The following STK3 variants were observed in gnomAD, a reference collection of about 807,000 sequenced individuals.
STK3 encodes serine/threonine kinase 3, also known as serine/threonine-protein kinase 3.
In STK3, 41 loss-of-function variants were observed where a neutral mutation model predicts 58.0. That is an observed-to-expected ratio of 0.71 (90% CI 0.55 to 0.92). The LOEUF is 0.92. Among genes scored for constraint, STK3 ranks in the 40% least tolerant of loss-of-function variants. The probability of loss-of-function intolerance (pLI) is 0.00; values close to 1 mark genes in which losing one functional copy is unlikely to be tolerated. For missense variants in STK3, 479 were observed against 602.7 expected, an observed-to-expected ratio of 0.79 and a Z score of 2.15; for synonymous variants, 170 against 191.0, an observed-to-expected ratio of 0.89 and a Z score of 0.91.
intron 6 of STK3, among the ~76,000 whole-genome samples, chr8:98,612,459 C>A (rs1817278878): frequency 6.8e-6 from 1 of 147,738 alleles, no homozygotes. Flanking sequence ...ATATATCAAC[C>A]CATATATATA....
At chr8:98,616,904 G>C (rs982456705) in intron 6 of STK3, among the ~76,000 whole-genome samples, 44 of 151,944 alleles carry the variant, frequency 2.9e-4, no homozygotes, top group South Asian at 2.1e-4. Flanking sequence ...ACAGATCAAC[G>C]AGACAGAAAG....
At chr8:98,796,460 C>A (rs531974117) in intron 1 of STK3, among the ~76,000 whole-genome samples, 1 of 152,056 alleles carries the variant, frequency 6.6e-6, no homozygotes, top group African/African-American at 2.4e-5. Context: ...GAAACTGGAC[C>A]CCTAACTCAA....
intron 6 of STK3, among the ~76,000 whole-genome samples, chr8:98,654,610 T>A (rs567504276): frequency 1.5e-4 from 23 of 152,308 alleles, no homozygotes; most frequent in African/African-American, 4.8e-4. Context: ...AAAATCTCCT[T>A]AAGCTGATAA....
intron 1 of STK3, among the ~76,000 whole-genome samples, chr8:98,778,222 T>C (rs183936165): frequency 0.02 from 3,016 of 152,246 alleles, 56 homozygotes; most frequent in African/African-American, 0.042. Flanking sequence ...GGGCAAAGGA[T>C]ATGAACACAC....
intron 3 of STK3, among the ~76,000 whole-genome samples, chr8:98,410,803 T>C (rs1168197979): frequency 6.6e-6 from 1 of 152,202 alleles, no homozygotes; most frequent in Non-Finnish European, 1.5e-5. Flanking sequence ...CTTTCACAGA[T>C]GGTACAGGTG....
At chr8:98,655,728 T>C (rs1172022102) in intron 6 of STK3, among the ~76,000 whole-genome samples, 4 of 151,674 alleles carry the variant, frequency 2.6e-5, no homozygotes, top group Admixed American at 2.6e-4. Context: ...AAAAAACACA[T>C]GAAAAAATGC....
intron 10 of STK3, among the ~76,000 whole-genome samples, chr8:98,471,634 G>A (rs1170728154): frequency 1.3e-5 from 2 of 152,076 alleles, no homozygotes; most frequent in Admixed American, 6.5e-5. Context: ...ACTACTCCAA[G>A]TACCGTTTCT....
chr8:98,546,476 C>CA (rs1403111836), intron 9 of STK3, among the ~76,000 whole-genome samples: 4 of 151,968 alleles, frequency 2.6e-5, no homozygotes, highest in Non-Finnish European at 4.4e-5. Flanking sequence ...CCTAAAGACA[C>CA]AAAAAAGCAC....
chr8:98,546,318 C>G (rs1186635124), intron 9 of STK3, among the ~76,000 whole-genome samples: 1 of 152,162 alleles, frequency 6.6e-6, no homozygotes, highest in Non-Finnish European at 1.5e-5. Context: ...TCATTAGTCT[C>G]TCTTCCTTGA....
intron 10 of STK3, among the ~76,000 whole-genome samples, chr8:98,498,825 T>A (rs1823356891): frequency 6.6e-6 from 1 of 152,176 alleles, no homozygotes; most frequent in Non-Finnish European, 1.5e-5. Flanking sequence ...TTCTCCCCAA[T>A]CTCTCAATGT....
downstream of STK3, among the ~76,000 whole-genome samples, chr8:98,450,491 T>C (rs913132225): frequency 2.6e-5 from 4 of 152,180 alleles, no homozygotes; most frequent in African/African-American, 9.7e-5. Context: ...ACAACAAAAG[T>C]GCAAAAGAAC....
chr8:98,626,317 T>A (rs1818710510), intron 6 of STK3, among the ~76,000 whole-genome samples: 1 of 152,070 alleles, frequency 6.6e-6, no homozygotes, highest in Non-Finnish European at 1.5e-5. Flanking sequence ...CCAAAAAAGG[T>A]AGAAATACAA....
intron 10 of STK3, among the ~76,000 whole-genome samples, chr8:98,523,375 C>CTTTT (rs558917345): frequency 7.3e-6 from 1 of 137,738 alleles, no homozygotes; most frequent in African/African-American, 2.7e-5. Flanking sequence ...GTCCTTTGCC[C>CTTTT]TTTTTTTTTT....
At chr8:98,469,938 C>T (rs1820791389) in intron 10 of STK3, among the ~76,000 whole-genome samples, 1 of 152,172 alleles carries the variant, frequency 6.6e-6, no homozygotes, top group Non-Finnish European at 1.5e-5. Flanking sequence ...AGCTTATCCA[C>T]TGGATAATTA....
the STK3 span, among the ~76,000 whole-genome samples, chr8:98,345,629 G>T: frequency 6.6e-6 from 1 of 152,028 alleles, no homozygotes; most frequent in Non-Finnish European, 1.5e-5. Context: ...TGGAAATAGT[G>T]TCTGTTCTGA....
At chr8:98,745,436 G>A (rs1829577466) in intron 4 of STK3, among the ~76,000 whole-genome samples, 1 of 152,078 alleles carries the variant, frequency 6.6e-6, no homozygotes, top group African/African-American at 2.4e-5. Flanking sequence ...ACTTCTGGTA[G>A]TGATAAACTA....
At chr8:98,613,948 G>C (rs920001824) in intron 6 of STK3, among the ~76,000 whole-genome samples, 1 of 152,020 alleles carries the variant, frequency 6.6e-6, no homozygotes, top group African/African-American at 2.4e-5. Flanking sequence ...ACCAGAGACA[G>C]AGAGGGACAT....
At chr8:98,738,965 A>G (rs1828903019) in intron 4 of STK3, among the ~76,000 whole-genome samples, 1 of 152,240 alleles carries the variant, frequency 6.6e-6, no homozygotes, top group Non-Finnish European at 1.5e-5. Context: ...GGAGGGTCCT[A>G]CGCCCAAGGA....
At chr8:98,766,393 A>G (rs1349089946) in intron 3 of STK3, among the ~76,000 whole-genome samples, 1 of 152,248 alleles carries the variant, frequency 6.6e-6, no homozygotes. Flanking sequence ...TACATAATAC[A>G]GACTGTTAAA....
Sources: gnomAD v4.1 joint callset for allele counts (sites outside exome capture counted in the v4.1 genomes callset) on GRCh38, gnomAD v4.1.1 for gene constraint, MANE v1.5 for transcripts, NCBI Gene and HGNC (gene_info 2026-07-23, HGNC 2026-07-21) for gene names.